MECOM: variants seen among roughly 807,000 people sequenced by gnomAD.
The protein encoded by MECOM is histone-lysine N-methyltransferase MECOM.
A neutral mutation model predicts 116.3 loss-of-function variants in MECOM; 13 were observed. The observed-to-expected ratio is 0.11, with a 90% confidence interval of 0.07 to 0.18. The LOEUF is 0.18. MECOM is among the 10% of genes least tolerant of loss of function. The pLI, the probability that MECOM is intolerant of heterozygous loss-of-function variation, is 1.00. For synonymous variants in MECOM, 528 were observed against 535.2 expected, an observed-to-expected ratio of 0.99 and a Z score of 0.19; for missense variants, 1,299 against 1,509.0, an observed-to-expected ratio of 0.86 and a Z score of 2.31.
At chr3:169,224,970 TA>T (rs1251625442) in intron 2 of MECOM, among the ~76,000 whole-genome samples, 1 of 152,184 alleles carries the variant, frequency 6.6e-6, no homozygotes, top group Non-Finnish European at 1.5e-5. Flanking sequence ...CAATCTTTTT[TA>T]AAAAAATTCA....
At chr3:169,398,347 G>A (rs555844927) in intron 1 of MECOM, among the ~76,000 whole-genome samples, 1 of 152,060 alleles carries the variant, frequency 6.6e-6, no homozygotes, top group Non-Finnish European at 1.5e-5. Flanking sequence ...ATAGAAAAAT[G>A]TTCTACATCC....
At chr3:169,113,964 C>A (rs1450162653) in intron 8 of MECOM, among the ~76,000 whole-genome samples, 2 of 151,856 alleles carry the variant, frequency 1.3e-5, no homozygotes, top group African/African-American at 2.4e-5. Context: ...TTGAGACAAG[C>A]ACCAGAGAGA....
chr3:169,244,772 T>A (rs1200355475), intron 2 of MECOM, among the ~76,000 whole-genome samples: 1 of 152,206 alleles, frequency 6.6e-6, no homozygotes, highest in Non-Finnish European at 1.5e-5. Context: ...CAATTATCTG[T>A]AAGCAAAGAA....
At chr3:169,153,382 C>G (rs975048571) in intron 2 of MECOM, among the ~76,000 whole-genome samples, 1 of 152,106 alleles carries the variant, frequency 6.6e-6, no homozygotes, top group East Asian at 1.9e-4. Context: ...GAAAAATTTA[C>G]TATTATCTTT....
At chr3:169,228,463 C>A (rs1481518539) in intron 2 of MECOM, among the ~76,000 whole-genome samples, 4 of 152,062 alleles carry the variant, frequency 2.6e-5, no homozygotes, top group Non-Finnish European at 5.9e-5. Context: ...TATGCAAAAA[C>A]CAGTTTTTCA....
chr3:169,302,325 C>A (rs530810258), intron 2 of MECOM, among the ~76,000 whole-genome samples: 2 of 152,264 alleles, frequency 1.3e-5, no homozygotes, highest in Admixed American at 6.5e-5. Flanking sequence ...GCAGAGGGAC[C>A]AGGAATGCCG....
At chr3:169,123,261 A>AGATG (rs558642189) in intron 5 of MECOM, among the ~76,000 whole-genome samples, 1 of 151,298 alleles carries the variant, frequency 6.6e-6, no homozygotes, top group East Asian at 1.9e-4. Flanking sequence ...TAGGATGGAC[A>AGATG]GATGGATGGA....
chr3:169,473,201 G>A (rs1391008749), intron 1 of MECOM, among the ~76,000 whole-genome samples: 1 of 152,190 alleles, frequency 6.6e-6, no homozygotes, highest in Non-Finnish European at 1.5e-5. Flanking sequence ...TCTGGAAGTA[G>A]ATTCAGGAAT....
At chr3:169,233,658 G>T (rs973905337) in intron 2 of MECOM, among the ~76,000 whole-genome samples, 2 of 152,018 alleles carry the variant, frequency 1.3e-5, no homozygotes, top group Admixed American at 6.6e-5. Context: ...TTATTTCTCT[G>T]CCAGTGAAAC....
At chr3:169,093,539 T>C (rs914378434) in intron 13 of MECOM, among the ~76,000 whole-genome samples, 9 of 152,198 alleles carry the variant, frequency 5.9e-5, no homozygotes, top group Middle Eastern at 3.2e-3. Flanking sequence ...TGCTAAAGCA[T>C]ATAACAAAAT....
chr3:169,170,722 T>C (rs1040895640), intron 2 of MECOM, among the ~76,000 whole-genome samples: 3 of 152,176 alleles, frequency 2.0e-5, no homozygotes, highest in African/African-American at 7.2e-5. Flanking sequence ...GAGAACTAGG[T>C]GTTCCCTCAA....
intron 1 of MECOM, among the ~76,000 whole-genome samples, chr3:169,398,231 C>T (rs1735305650): frequency 6.6e-6 from 1 of 152,154 alleles, no homozygotes; most frequent in African/African-American, 2.4e-5. Flanking sequence ...CTGCTGCAAA[C>T]TCAAGTCACT....
chr3:169,548,546 G>A (rs1760997631), intron 1 of MECOM, among the ~76,000 whole-genome samples: 1 of 152,136 alleles, frequency 6.6e-6, no homozygotes, highest in Non-Finnish European at 1.5e-5. Context: ...TTTACAGAAG[G>A]GAATAAACCT....
chr3:169,376,087 A>G (rs530591282), intron 2 of MECOM, among the ~76,000 whole-genome samples: 2 of 152,300 alleles, frequency 1.3e-5, no homozygotes, highest in East Asian at 1.9e-4. Context: ...ACACAGGATT[A>G]TCTCAATAGA....
At chr3:169,360,712 GC>G (rs1728168556) in intron 2 of MECOM, among the ~76,000 whole-genome samples, 1 of 151,778 alleles carries the variant, frequency 6.6e-6, no homozygotes, top group Non-Finnish European at 1.5e-5. Context: ...TCACAGGATG[GC>G]CAGGGTTGTT....
chr3:169,091,084 C>A (rs953922673), intron 14 of MECOM, among the ~76,000 whole-genome samples: 1 of 151,882 alleles, frequency 6.6e-6, no homozygotes, highest in African/African-American at 2.4e-5. Context: ...ATCGCTTAAC[C>A]TCTTTTATCA....
intron 1 of MECOM, among the ~76,000 whole-genome samples, chr3:169,597,051 A>G (rs1388834446): frequency 6.6e-6 from 1 of 152,208 alleles, no homozygotes; most frequent in Non-Finnish European, 1.5e-5. Flanking sequence ...TATAGGAAAG[A>G]TTAAATATCT....
intron 1 of MECOM, among the ~76,000 whole-genome samples, chr3:169,531,875 C>T (rs1349591045): frequency 6.6e-6 from 1 of 152,128 alleles, no homozygotes; most frequent in East Asian, 1.9e-4. Flanking sequence ...GATTTGGAGC[C>T]ACAGCTGGTC....
At chr3:169,108,354 A>T (rs759231281) in intron 9 of MECOM, among the ~76,000 whole-genome samples, 7 of 152,340 alleles carry the variant, frequency 4.6e-5, no homozygotes, top group Non-Finnish European at 2.9e-5. Context: ...AACAAAGAAA[A>T]GATATTTACT....
Sources: allele counts gnomAD v4.1 joint callset (sites outside exome capture counted in the v4.1 genomes callset), GRCh38; gene constraint gnomAD v4.1.1; transcripts MANE v1.5; gene names NCBI Gene and HGNC (gene_info 2026-07-23, HGNC 2026-07-21).